Variants in OSBPL9 observed in about 807,000 individuals in gnomAD.
OSBPL9 encodes oxysterol binding protein like 9, also known as oxysterol-binding protein-related protein 9.
Under a neutral mutation model 106.6 loss-of-function variants are expected in OSBPL9, and 40 were observed. The ratio of observed to expected loss-of-function variants is 0.38; its 90% CI spans 0.29 to 0.49. The LOEUF (loss-of-function observed/expected upper bound fraction) is 0.49, where lower values mean the gene tolerates loss of function less well. OSBPL9 is among the 20% of genes least tolerant of loss of function. OSBPL9 has a pLI of 0.97. For synonymous variants in OSBPL9, 269 were observed against 295.4 expected, an observed-to-expected ratio of 0.91 and a Z score of 0.92; for missense variants, 609 against 887.2, an observed-to-expected ratio of 0.69 and a Z score of 3.98.
At chr1:51,665,080 C>G (rs1648118294) in intron 2 of OSBPL9, among the ~76,000 whole-genome samples, 1 of 152,232 alleles carries the variant, frequency 6.6e-6, no homozygotes. Flanking sequence ...GTTTCATAGT[C>G]ATTAGCCACA....
intron 2 of OSBPL9, among the ~76,000 whole-genome samples, chr1:51,655,217 A>G (rs1161481657): frequency 6.6e-6 from 1 of 152,136 alleles, no homozygotes; most frequent in East Asian, 1.9e-4. Context: ...CTGGGCCCTT[A>G]TCTGGAGGCT....
At chr1:51,675,877 T>C (rs1186783166) in intron 3 of OSBPL9, among the ~76,000 whole-genome samples, 1 of 152,202 alleles carries the variant, frequency 6.6e-6, no homozygotes, top group Non-Finnish European at 1.5e-5. Context: ...ATGGTTAACA[T>C]TTATTGAATG....
At chr1:51,765,126 CAG>C (rs1211481815) in intron 11 of OSBPL9, among the ~76,000 whole-genome samples, 1 of 152,204 alleles carries the variant, frequency 6.6e-6, no homozygotes, top group African/African-American at 2.4e-5. Flanking sequence ...ATGATCATCT[CAG>C]AGATTAGATG....
intron 3 of OSBPL9, among the ~76,000 whole-genome samples, chr1:51,689,868 T>C (rs1046046302): frequency 3.3e-5 from 5 of 152,224 alleles, no homozygotes; most frequent in African/African-American, 1.2e-4. Context: ...ACCATGTCCA[T>C]TGGATTCCAT....
chr1:51,592,500 A>G lies in OSBPL9; in HGVS notation c.-422-5624A>G, dbSNP rs113478935. On this transcript the variant is annotated intron_variant, in intron 1 of 25. Coordinates refer to the OSBPL9 transcript ENST00000371714. ...CTTTTTGGTGTATGTGTCAAGATTC[A>G]GTCCAATAATTCAGCCATCCAATAA... Among the ~76,000 whole-genome samples the G allele has an allele frequency of 1.5e-3, 232 of 152,312 alleles. 1 individual carries two copies. The highest frequency in any genetic ancestry group is 5.2e-3 in the African/African-American group (216 of 41,558).
At chr1:51,534,437 A>C in the OSBPL9 span, among the ~76,000 whole-genome samples, 1 of 152,006 alleles carries the variant, frequency 6.6e-6, no homozygotes, top group Non-Finnish European at 1.5e-5. Context: ...TTTTTTCCAA[A>C]TGGCCTTCAA....
chr1:51,787,793 G>A lies in OSBPL9; in HGVS notation c.*4G>A, dbSNP rs752461534. ...TCTTGGTGCTGCCAAGCATTAGGTT[G>A]GAAGATGCAAAGTTTATACCTGATG... On this transcript the variant is annotated 3_prime_UTR_variant, in exon 24 of 24. Transcript: ENST00000428468. The A allele has an allele frequency of 2.5e-6, 4 of 1,609,298 alleles. No homozygotes were observed. The highest frequency in any genetic ancestry group is 3.4e-6 in the Non-Finnish European group (4 of 1,176,232).
At position 51,617,360 on chromosome 1, in the gene OSBPL9, GA is replaced by G; in HGVS notation, c.111+140del. The G allele has an allele frequency of 3.5e-6, 3 of 868,260 alleles. No individual in the cohort carries two copies. In the South Asian group the frequency reaches 5.4e-5, roughly 16 times the overall value. 53.8% of individuals were successfully genotyped at this position (868,260 alleles called of 1,614,324 possible). A position where few individuals can be genotyped will look rare whatever the true frequency, so the allele number is the denominator to read the frequency against. ...CGTACGCGAGGGTTCCCTTGTTGGGGAGGGTTTTACGTCTCGGATAGCCAAT... is the reference window on the plus strand; with the variant it reads ...CGTACGCGAGGGTTCCCTTGTTGGGGGGGTTTTACGTCTCGGATAGCCAAT... On this transcript the variant is annotated intron_variant, in intron 1 of 23. Transcript: ENST00000428468.
At chr1:51,648,546 T>C (rs941518232) in intron 1 of OSBPL9, among the ~76,000 whole-genome samples, 4 of 152,126 alleles carry the variant, frequency 2.6e-5, no homozygotes, top group Non-Finnish European at 5.9e-5. Context: ...CTGTGTCTGG[T>C]GAAAGCAGTC....
intron 1 of OSBPL9, among the ~76,000 whole-genome samples, chr1:51,583,185 G>C (rs1645230306): frequency 6.6e-6 from 1 of 152,088 alleles, no homozygotes; most frequent in African/African-American, 2.4e-5. Context: ...TTAACATATG[G>C]TGGCTAGCCT....
chr1:51,764,583 CT>C (rs531240886), intron 11 of OSBPL9, among the ~76,000 whole-genome samples: 564 of 135,578 alleles, frequency 4.2e-3, no homozygotes, highest in Admixed American at 4.7e-3. Context: ...ACTCTGGATT[CT>C]TTTTTTTTTT....
At chr1:51,705,057 A>G (rs949499519) in intron 3 of OSBPL9, among the ~76,000 whole-genome samples, 4 of 152,156 alleles carry the variant, frequency 2.6e-5, no homozygotes, top group Admixed American at 1.3e-4. Context: ...CACAAATAAG[A>G]AAATACTTGT....
intron 1 of OSBPL9, among the ~76,000 whole-genome samples, chr1:51,637,269 T>C (rs908100215): frequency 1.3e-5 from 2 of 152,122 alleles, no homozygotes; most frequent in African/African-American, 4.8e-5. Context: ...GGTGGGTGGA[T>C]CACATGAGGT....
intron 3 of OSBPL9, among the ~76,000 whole-genome samples, chr1:51,671,771 A>G (rs1649933854): frequency 6.6e-6 from 1 of 152,150 alleles, no homozygotes. Context: ...AGCTAGGGAA[A>G]GACTCACTGA....
the OSBPL9 span, among the ~76,000 whole-genome samples, chr1:51,527,842 G>A: frequency 2.5e-4 from 38 of 151,950 alleles, no homozygotes; most frequent in Non-Finnish European, 4.1e-4. Flanking sequence ...GCCGGGCACC[G>A]TGGCTCATGC....
At chr1:51,654,135 A>G (rs1048304810) in intron 2 of OSBPL9, among the ~76,000 whole-genome samples, 1 of 152,128 alleles carries the variant, frequency 6.6e-6, no homozygotes, top group African/African-American at 2.4e-5. Context: ...TTTTGCTGCA[A>G]ATTGGCAGCT....
Position 51,711,444 on chromosome 1 carries a change from C to T in OSBPL9, c.242-2559C>T, listed in dbSNP as rs537183139. ...GGCGCCCCTCACCTCCTGGACGGGG[C>T]GGCTGGCCGGGCGGGGGGCTGACCC... On this transcript the variant is annotated intron_variant, in intron 3 of 23. Transcript: ENST00000428468. Among the ~76,000 whole-genome samples the T allele has an allele frequency of 4.2e-3, 538 of 127,018 alleles. 4 individuals carry two copies. The highest frequency in any genetic ancestry group is 7.4e-3 in the Non-Finnish European group (431 of 58,028). 83.3% of individuals were successfully genotyped at this position (127,018 alleles called of 152,430 possible).
chr1:51,680,118 G>A (rs554306151), intron 3 of OSBPL9, among the ~76,000 whole-genome samples: 11 of 151,936 alleles, frequency 7.2e-5, no homozygotes, highest in South Asian at 6.2e-4. Flanking sequence ...GCCATGTGTC[G>A]TGGCTTGCGA....
chr1:51,529,129 T>G, the OSBPL9 span, among the ~76,000 whole-genome samples: 1 of 152,226 alleles, frequency 6.6e-6, no homozygotes, highest in African/African-American at 2.4e-5. Context: ...CCAGTTAGCT[T>G]CTTTGTATAA....
Sources: gnomAD v4.1 joint callset for allele counts (sites outside exome capture counted in the v4.1 genomes callset) on GRCh38, gnomAD v4.1.1 for gene constraint, MANE v1.5 for transcripts, NCBI Gene and HGNC (gene_info 2026-07-23, HGNC 2026-07-21) for gene names.